Variants in LMO1 observed in about 807,000 individuals in gnomAD.
LMO1 encodes the protein rhombotin-1.
LMO1 carries 10 observed loss-of-function variants against 18.0 expected under a neutral mutation model. That is an observed-to-expected ratio of 0.55 (90% confidence interval 0.34 to 0.94). LMO1 has a LOEUF of 0.94. Among genes scored for constraint, LMO1 ranks in the 40% least tolerant of loss-of-function variants. The pLI is 0.02. For synonymous variants in LMO1, 77 were observed against 77.9 expected, an observed-to-expected ratio of 0.99 and a Z score of 0.06; for missense variants, 183 against 205.7, an observed-to-expected ratio of 0.89 and a Z score of 0.68.
At chr11:8,259,754 G>A (rs546116612) in intron 1 of LMO1, among the ~76,000 whole-genome samples, 58 of 152,278 alleles carry the variant, frequency 3.8e-4, no homozygotes, top group Admixed American at 9.8e-4. Context: ...AATCCTACTG[G>A]TGGCCCAGCA....
chr11:8,247,754 C>A (rs1349685443), intron 1 of LMO1, among the ~76,000 whole-genome samples: 1 of 152,240 alleles, frequency 6.6e-6, no homozygotes. Context: ...ATGGATTCAA[C>A]ATGAAATGCT....
chr11:8,263,922 A>C (rs376197520), upstream of LMO1: 73 of 1,002,996 alleles, frequency 7.3e-5, 1 homozygote, highest in African/African-American at 1.1e-3. Flanking sequence ...ACATTTCCTG[A>C]GGCCTCCACC....
At chr11:8,243,538 C>T (rs970212472) in intron 1 of LMO1, among the ~76,000 whole-genome samples, 1 of 152,162 alleles carries the variant, frequency 6.6e-6, no homozygotes, top group African/African-American at 2.4e-5. Context: ...AGTGTCATCC[C>T]GTGTGAGAGT....
intron 1 of LMO1, among the ~76,000 whole-genome samples, chr11:8,238,310 G>A (rs1473603039): frequency 6.6e-6 from 1 of 152,168 alleles, no homozygotes; most frequent in African/African-American, 2.4e-5. Context: ...ACACAAAAAG[G>A]TACATACTGT....
At position 8,234,603 on chromosome 11, in the gene LMO1, C is replaced by T. The variant is rs545981606; in HGVS notation, c.26-4099G>A. On this transcript the variant is annotated intron_variant, in intron 1 of 3. Transcript: ENST00000335790. ...CTCTTCCAGCCCAGAACGTCTACCT[C>T]ACCCAGCTCCAGGTCACTCCAGGCT... Among the ~76,000 whole-genome samples the T allele has an allele frequency of 2.8e-4, 43 of 152,296 alleles. No individual in the cohort carries two copies. In the South Asian group the frequency reaches 8.3e-3, roughly 29 times the overall value.
chr11:8,260,775 A>T (rs1847172483), intron 1 of LMO1, among the ~76,000 whole-genome samples: 1 of 152,046 alleles, frequency 6.6e-6, no homozygotes, highest in Non-Finnish European at 1.5e-5. Flanking sequence ...TCCAGACAAG[A>T]TGCTGTCAGG....
At position 8,227,077 on chromosome 11, in the gene LMO1, C is replaced by G; in HGVS notation, c.263G>C (p.Cys88Ser). ...YLRLFGTTGN[C>S]AACSKLIPAF... ...TGGGATCAGCTTGCTGCAAGCAGCA[C>G]AGTTCCCTGTGGTGCCAAAGAGCCT... Residue 88 changes from cysteine to serine, a missense_variant, in exon 3 of 4, where the codon TGT (cysteine) becomes TCT (serine). Transcript: ENST00000335790. The G allele has an allele frequency of 5.0e-6, 8 of 1,613,866 alleles. No homozygotes were observed. The highest frequency in any genetic ancestry group is 6.8e-6 in the Non-Finnish European group (8 of 1,179,832).
intron 1 of LMO1, among the ~76,000 whole-genome samples, chr11:8,239,004 G>A (rs1156519533): frequency 1.3e-5 from 2 of 152,188 alleles, no homozygotes; most frequent in African/African-American, 4.8e-5. Context: ...TTATCTCAAT[G>A]AATCTTCATA....
chr11:8,233,742 C>A lies in LMO1; in HGVS notation c.26-3238G>T, dbSNP rs375133690. Among the ~76,000 whole-genome samples, 4 of 151,042 alleles carry A rather than the reference C, an allele frequency of 2.6e-5. No individual in the cohort carries two copies. The South Asian group carries it at 8.5e-4, about 32-fold the overall frequency. ...CTGCCAGCCTGCCCCCCTGCAGACACCTCTTCCCTCCCTCCTTCCCCAGCC... is the reference window on the plus strand; with the variant it reads ...CTGCCAGCCTGCCCCCCTGCAGACAACTCTTCCCTCCCTCCTTCCCCAGCC... On this transcript the variant is annotated intron_variant, in intron 1 of 3. Transcript: ENST00000335790.
intron 2 of LMO1, among the ~76,000 whole-genome samples, chr11:8,228,461 A>G (rs1221016136): frequency 6.6e-6 from 1 of 152,242 alleles, no homozygotes; most frequent in Non-Finnish European, 1.5e-5. Context: ...AGATTAAGGC[A>G]GACAAAGGCT....
intron 1 of LMO1, among the ~76,000 whole-genome samples, chr11:8,231,411 G>A (rs1211244487): frequency 6.6e-6 from 1 of 152,242 alleles, no homozygotes; most frequent in Non-Finnish European, 1.5e-5. Flanking sequence ...TGAAGTGACA[G>A]AGGCACGGGT....
At chr11:8,235,347 T>A (rs1281910326) in intron 1 of LMO1, among the ~76,000 whole-genome samples, 8 of 152,228 alleles carry the variant, frequency 5.3e-5, no homozygotes, top group Admixed American at 5.2e-4. Context: ...TACTTACCTA[T>A]AATTTTTTCC....
upstream of LMO1, among the ~76,000 whole-genome samples, chr11:8,267,393 G>A (rs1381301338): frequency 6.6e-6 from 1 of 152,216 alleles, no homozygotes; most frequent in Non-Finnish European, 1.5e-5. Flanking sequence ...AGAGAGGAAG[G>A]CCAGGCAGCC....
chr11:8,241,700 T>C (rs905433971), intron 1 of LMO1, among the ~76,000 whole-genome samples: 17 of 152,120 alleles, frequency 1.1e-4, no homozygotes, highest in African/African-American at 4.1e-4. Context: ...CCTTATTTCA[T>C]TATTTAAATG....
chr11:8,261,885 C>T (rs1424624865), intron 1 of LMO1, among the ~76,000 whole-genome samples: 1 of 152,138 alleles, frequency 6.6e-6, no homozygotes, highest in East Asian at 1.9e-4. Flanking sequence ...ATGTCCCACC[C>T]CAGCTAGCCC....
chr11:8,256,144 C>T (rs370583801), intron 1 of LMO1, among the ~76,000 whole-genome samples: 23 of 152,268 alleles, frequency 1.5e-4, no homozygotes, highest in African/African-American at 5.5e-4. Flanking sequence ...CTTTTAAGTA[C>T]GGGTTCAGTA....
At chr11:8,232,339 C>T (rs1332218041) in intron 1 of LMO1, among the ~76,000 whole-genome samples, 1 of 152,202 alleles carries the variant, frequency 6.6e-6, no homozygotes, top group Non-Finnish European at 1.5e-5. Context: ...CAGCCTGGCA[C>T]AGAGCTCTGA....
chr11:8,253,424 C>T (rs908864812), intron 1 of LMO1, among the ~76,000 whole-genome samples: 2 of 152,170 alleles, frequency 1.3e-5, no homozygotes, highest in Non-Finnish European at 2.9e-5. Context: ...TGATCATACC[C>T]ATTTTACTAC....
At chr11:8,227,321 AG>A (rs1268396469) in intron 2 of LMO1, among the ~76,000 whole-genome samples, 1 of 152,172 alleles carries the variant, frequency 6.6e-6, no homozygotes, top group African/African-American at 2.4e-5. Flanking sequence ...GAGGGTGTGT[AG>A]GGGGTCAGGA....
Sources: allele counts gnomAD v4.1 joint callset (sites outside exome capture counted in the v4.1 genomes callset), GRCh38; gene constraint gnomAD v4.1.1; transcripts MANE v1.5; gene names NCBI Gene and HGNC (gene_info 2026-07-23, HGNC 2026-07-21).